CACNA1A: variants seen among roughly 807,000 people sequenced by gnomAD.
CACNA1A encodes the protein calcium voltage-gated channel subunit alpha1 A.
CACNA1A carries 57 observed loss-of-function variants against 262.4 expected under a neutral mutation model. The ratio of observed to expected loss-of-function variants is 0.22; its 90% confidence interval spans 0.18 to 0.27. The LOEUF (loss-of-function observed/expected upper bound fraction) is 0.27. CACNA1A is among the 10% of genes least tolerant of loss of function. CACNA1A has a pLI of 1.00. For missense variants in CACNA1A, 2,526 were observed against 3,562.8 expected, an observed-to-expected ratio of 0.71 and a Z score of 7.41; for synonymous variants, 1,431 against 1,419.3, an observed-to-expected ratio of 1.01 and a Z score of -0.18.
Position 13,214,031 on chromosome 19 carries a change from T to C in CACNA1A, c.5940+202A>G, listed in dbSNP as rs1033215713. ...TGGAGTCTCACTGTGTTGCCCAGGG[T>C]GGTCTCATCCTGGTCTCAAACGATC... On this transcript the variant is annotated intron_variant, in intron 40 of 46. Coordinates refer to ENST00000360228, the MANE Select transcript of CACNA1A (RefSeq NM_001127222.2). This position sits in a 1 kb window ranked among gnomAD's most constrained non-coding sequence, Gnocchi z 4.1. 11 of 573,986 alleles carry C rather than the reference T, an allele frequency of 1.9e-5. No individual in the cohort carries two copies. In the East Asian group the frequency reaches 2.3e-4, roughly 12 times the overall value. The allele number at this position is 573,986 out of a possible 1,614,324, so 35.6% of individuals were successfully genotyped here.
chr19:13,449,680 T>G (rs1237736790), intron 3 of CACNA1A, among the ~76,000 whole-genome samples: 1 of 152,224 alleles, frequency 6.6e-6, no homozygotes. Flanking sequence ...TTAAAAAATA[T>G]TTTGAAGTGT....
At chr19:13,382,540 T>C (rs536558729) in intron 3 of CACNA1A, among the ~76,000 whole-genome samples, 32 of 151,524 alleles carry the variant, frequency 2.1e-4, no homozygotes, top group Non-Finnish European at 3.4e-4. Flanking sequence ...AGGGGAGAGG[T>C]TGGGTAAGCT....
At chr19:13,401,238 A>G (rs2059895264) in intron 3 of CACNA1A, among the ~76,000 whole-genome samples, 1 of 152,200 alleles carries the variant, frequency 6.6e-6, no homozygotes, top group South Asian at 2.1e-4. Context: ...ATTTATACTA[A>G]GCGTGGGGCT....
intron 10 of CACNA1A, among the ~76,000 whole-genome samples, chr19:13,326,548 G>T (rs776332889): frequency 6.6e-6 from 1 of 152,008 alleles, no homozygotes; most frequent in Non-Finnish European, 1.5e-5. Flanking sequence ...TGCTTTGGGA[G>T]GTGGAGGTAG....
At chr19:13,481,739 C>G (rs1599350763) in intron 1 of CACNA1A, among the ~76,000 whole-genome samples, 1 of 152,160 alleles carries the variant, frequency 6.6e-6, no homozygotes, top group African/African-American at 2.4e-5. Context: ...AGGTGAGGGG[C>G]AGGTTGCTTC....
intron 38 of CACNA1A, among the ~76,000 whole-genome samples, chr19:13,216,233 G>T (rs928583691): frequency 7.2e-5 from 11 of 152,184 alleles, no homozygotes; most frequent in African/African-American, 2.7e-4. Flanking sequence ...GAGTACATGG[G>T]GGGGTTCCTC....
At chr19:13,498,411 A>C (rs1271661707) in intron 1 of CACNA1A, among the ~76,000 whole-genome samples, 1 of 152,160 alleles carries the variant, frequency 6.6e-6, no homozygotes, top group Non-Finnish European at 1.5e-5. Context: ...AATATTATTT[A>C]CTGGCAAGTG....
intron 28 of CACNA1A, among the ~76,000 whole-genome samples, chr19:13,255,762 T>TC (rs1476039221): frequency 8.9e-6 from 1 of 111,816 alleles, no homozygotes. Context: ...CTTCCCTCCC[T>TC]CCTTCCCTCC....
intron 1 of CACNA1A, among the ~76,000 whole-genome samples, chr19:13,466,877 A>ATTTTTTATTTATTTAT (rs2061252729): frequency 7.0e-6 from 1 of 142,524 alleles, no homozygotes; most frequent in Non-Finnish European, 1.5e-5. Context: ...TTAAATTTCC[A>ATTTTTTATTTATTTAT]TTATTTATTT....
chr19:13,327,266 G>T (rs1011879653), intron 10 of CACNA1A, among the ~76,000 whole-genome samples: 1 of 152,068 alleles, frequency 6.6e-6, no homozygotes, highest in African/African-American at 2.4e-5. Context: ...CTCTTTTGGG[G>T]TGGTCTAGAA....
At chr19:13,407,865 G>T (rs2060039628) in intron 3 of CACNA1A, among the ~76,000 whole-genome samples, 1 of 152,088 alleles carries the variant, frequency 6.6e-6, no homozygotes, top group Non-Finnish European at 1.5e-5. Context: ...CCCAATGTTG[G>T]GGGAGGGACC....
In CACNA1A at chr19:13,308,572, G is replaced by A. The variant is rs908404216; in HGVS notation, c.1669-44C>T. On this transcript the variant is annotated intron_variant, in intron 12 of 46. Coordinates refer to ENST00000360228, the MANE Select transcript of CACNA1A (RefSeq NM_001127222.2). This position sits in a 1 kb window ranked among gnomAD's most constrained non-coding sequence, Gnocchi z 4.2. ...TCTCATGTCCAGGGACAGTGTCTGG[G>A]CTCCAGAACTGGCAAGCATTTCCTA... The A allele has an allele frequency of 1.6e-6, 2 of 1,287,660 alleles. No individual in the cohort carries two copies. Among genetic ancestry groups the A allele is most frequent in the Non-Finnish European group, 2.2e-6 (2 of 911,938 alleles). The allele number at this position is 1,287,660 out of a possible 1,614,324, so 79.8% of individuals were successfully genotyped here.
At chr19:13,258,585 T>C (rs1419156107) in intron 27 of CACNA1A, 2 of 152,298 alleles carry the variant, frequency 1.3e-5, no homozygotes, top group Middle Eastern at 3.4e-3. Flanking sequence ...TTAAAAAAAC[T>C]TTGCTCAAAG....
chr19:13,374,406 T>C (rs934631619), intron 3 of CACNA1A, among the ~76,000 whole-genome samples: 1 of 151,836 alleles, frequency 6.6e-6, no homozygotes, highest in African/African-American at 2.4e-5. Flanking sequence ...CAACAACATA[T>C]TCAGAAAATT....
chr19:13,228,676 GC>G, intron 36 of CACNA1A: 1 of 1,283,864 alleles, frequency 7.8e-7, no homozygotes, highest in Non-Finnish European at 1.1e-6. Flanking sequence ...ATGGATGCTA[GC>G]AGGTTTTAGT....
intron 6 of CACNA1A, among the ~76,000 whole-genome samples, chr19:13,340,305 A>G (rs2058655293): frequency 6.6e-6 from 1 of 152,080 alleles, no homozygotes; most frequent in South Asian, 2.1e-4. Flanking sequence ...CAGCACCACA[A>G]CAGACACACG....
chr19:13,381,584 G>C (rs1039479114), intron 3 of CACNA1A, among the ~76,000 whole-genome samples: 1 of 152,206 alleles, frequency 6.6e-6, no homozygotes, highest in Non-Finnish European at 1.5e-5. Flanking sequence ...AAGCAAGAGA[G>C]TGAGCCATAT....
At chr19:13,299,399 A>G (rs760241701) in intron 18 of CACNA1A, 46 bp from the exon 19 acceptor site, 2 of 1,557,160 alleles carry the variant, frequency 1.3e-6, no homozygotes, top group Non-Finnish European at 1.7e-6. Flanking sequence ...TAGGCACTGT[A>G]GCTTGGATGG....
intron 1 of CACNA1A, among the ~76,000 whole-genome samples, chr19:13,465,878 C>T (rs1027513532): frequency 2.0e-5 from 3 of 152,170 alleles, no homozygotes; most frequent in African/African-American, 7.2e-5. Flanking sequence ...GAAGGCATAT[C>T]ACACTTGGTT....
Sources: gnomAD v4.1 joint callset for allele counts (sites outside exome capture counted in the v4.1 genomes callset) on GRCh38, gnomAD v4.1.1 for gene constraint, Gnocchi (gnomAD v3.1) non-coding constraint, MANE v1.5 for transcripts, NCBI Gene and HGNC (gene_info 2026-07-23, HGNC 2026-07-21) for gene names.